ADCY1: variants seen among roughly 807,000 people sequenced by gnomAD.
ADCY1 encodes the protein adenylate cyclase type 1.
ADCY1 carries 28 observed loss-of-function variants against 105.4 expected under a neutral mutation model. That is an observed-to-expected ratio of 0.27 (90% CI 0.20 to 0.36). The LOEUF (loss-of-function observed/expected upper bound fraction) is 0.36. Among genes scored for constraint, ADCY1 ranks in the 10% least tolerant of loss-of-function variants. ADCY1 has a pLI of 1.00. For synonymous variants in ADCY1, 655 were observed against 623.8 expected, an observed-to-expected ratio of 1.05 and a Z score of -0.75; for missense variants, 977 against 1,434.2, an observed-to-expected ratio of 0.68 and a Z score of 5.15.
rs1318326873 is a variant in ADCY1 at position 45,686,390 on chromosome 7, C to G, written c.2328-157C>G. Among the ~76,000 whole-genome samples the G allele has an allele frequency of 6.6e-6, 1 of 152,196 alleles. No individual in the cohort carries two copies. Among genetic ancestry groups the G allele is most frequent in the Non-Finnish European group, 1.5e-5 (1 of 68,036 alleles). ...CAAGTTCTAGCAAGGACTCAGATTT[C>G]CCTATGATAAGTGATTCTTGGCCAA... is the stretch of plus-strand genomic sequence containing the variant. On this transcript the variant is annotated intron_variant, in intron 13 of 19. Transcript: ENST00000297323. The surrounding 1 kb of genome is among the most constrained non-coding windows in gnomAD (Gnocchi z 4.3).
At chr7:45,701,800 G>T (rs1325209371) in intron 14 of ADCY1, among the ~76,000 whole-genome samples, 1 of 152,322 alleles carries the variant, frequency 6.6e-6, no homozygotes, top group African/African-American at 2.4e-5. Context: ...TCAGCACTGT[G>T]CCCAGACAGC....
At chr7:45,578,105 C>T (rs1792404078) in intron 1 of ADCY1, among the ~76,000 whole-genome samples, 1 of 152,190 alleles carries the variant, frequency 6.6e-6, no homozygotes, top group Non-Finnish European at 1.5e-5. Context: ...GGTTCCTCTC[C>T]TGTAAAGCCC....
intron 4 of ADCY1, among the ~76,000 whole-genome samples, chr7:45,635,241 C>G (rs1184646998): frequency 2.0e-5 from 3 of 151,034 alleles, no homozygotes; most frequent in Admixed American, 6.6e-5. Flanking sequence ...CCTCTTTTAT[C>G]CATGGTTTTG....
chr7:45,684,067 G>T (rs544040020), intron 11 of ADCY1, among the ~76,000 whole-genome samples: 1 of 152,354 alleles, frequency 6.6e-6, no homozygotes, highest in Non-Finnish European at 1.5e-5. Context: ...AGTGATTCAC[G>T]GTCAGTAAAG....
chr7:45,580,682 C>T (rs1020642327), intron 1 of ADCY1, among the ~76,000 whole-genome samples: 1 of 152,194 alleles, frequency 6.6e-6, no homozygotes. Context: ...GGGCTGCAAG[C>T]GAGCGAGAGT....
intron 5 of ADCY1, among the ~76,000 whole-genome samples, chr7:45,650,827 G>C (rs1048274633): frequency 6.6e-6 from 1 of 152,076 alleles, no homozygotes; most frequent in South Asian, 2.1e-4. Context: ...CTTCCTGACC[G>C]CTGCCCAGGA....
intron 2 of ADCY1, among the ~76,000 whole-genome samples, chr7:45,596,113 C>T (rs913826016): frequency 4.6e-5 from 7 of 152,332 alleles, no homozygotes; most frequent in Admixed American, 6.5e-5. Flanking sequence ...TAGAGGTGGC[C>T]ATGGCAGCCC....
At chr7:45,684,829 AG>A in intron 11 of ADCY1, 149 bp from the exon 12 acceptor site, 2 of 604,610 alleles carry the variant, frequency 3.3e-6, no homozygotes, top group Non-Finnish European at 5.7e-6. Context: ...AAATGAAAAA[AG>A]CCAAGAGACA....
chr7:45,605,451 A>G (rs971306829), intron 2 of ADCY1, among the ~76,000 whole-genome samples: 7 of 152,116 alleles, frequency 4.6e-5, no homozygotes, highest in Non-Finnish European at 7.4e-5. Flanking sequence ...CTTTTTCTGA[A>G]TATTCCTTAT....
chr7:45,610,887 ATGGTGGAGGTGG>A (rs1793553629), intron 3 of ADCY1, among the ~76,000 whole-genome samples: 4 of 96,626 alleles, frequency 4.1e-5, no homozygotes, highest in East Asian at 6.7e-4. Flanking sequence ...TGGGAAGGTG[ATGGTGGAGGTGG>A]GGAGGTGATA....
chr7:45,642,322 C>G (rs1794548047), intron 4 of ADCY1, among the ~76,000 whole-genome samples: 1 of 152,142 alleles, frequency 6.6e-6, no homozygotes, highest in Non-Finnish European at 1.5e-5. Context: ...TGGTTTGTAC[C>G]TGGCCAGGGG....
In ADCY1 at chr7:45,588,667, C is replaced by T. The variant is rs182671573; in HGVS notation, c.640-4092C>T. Among the ~76,000 whole-genome samples the T allele has an allele frequency of 2.0e-5, 3 of 152,222 alleles. No homozygotes were observed. In the East Asian group the frequency reaches 5.8e-4, roughly 30 times the overall value. ...CCCCAGGGCCTGCGGACAGGTCCTG[C>T]TCCTCCTGGCTGCCTTTTCCGAGCA... On this transcript the variant is annotated intron_variant, in intron 1 of 19. Coordinates refer to ENST00000297323, the MANE Select transcript of ADCY1 (RefSeq NM_021116.4).
Position 45,677,900 on chromosome 7 carries a change from TCAGAAA to T in ADCY1, c.1639_1644del (p.Asn548_Arg549del). 1 of 1,614,072 alleles carries T rather than the reference TCAGAAA, an allele frequency of 6.2e-7. No homozygotes were observed. The highest frequency in any genetic ancestry group is 8.5e-7 in the Non-Finnish European group (1 of 1,180,018). On this transcript the variant is annotated inframe_deletion, in exon 9 of 20. Transcript: ENST00000297323. The stretch of plus-strand genomic sequence containing the variant: ...GCATTAAGAACAGCCTCGGAAAAAC[TCAGAAA>T]CCGCTCATCTTTTTCTACCAACGTT...
rs1431353630 is a variant in ADCY1 at position 45,718,581 on chromosome 7, CTT to C, written c.*4588_*4589del. ...ATCAGTGCACAAATCATTCCATGCT[CTT>C]TGGCACCAGGCAGGAGATGCTGCAG... On this transcript the variant is annotated 3_prime_UTR_variant, in exon 20 of 20. Transcript: ENST00000297323. 4 of 152,346 alleles carry C rather than the reference CTT, an allele frequency of 2.6e-5. No individual in the cohort carries two copies. The highest frequency in any genetic ancestry group is 5.9e-5 in the Non-Finnish European group (4 of 68,128). 9.4% of individuals were successfully genotyped at this position (152,346 alleles called of 1,614,324 possible).
At position 45,718,035 on chromosome 7, in the gene ADCY1, G is replaced by A. The variant is rs779204287; in HGVS notation, c.*4040G>A. 2 of 152,372 alleles carry A rather than the reference G, an allele frequency of 1.3e-5. No homozygotes were observed. Among genetic ancestry groups the A allele is most frequent in the Admixed American group, 1.3e-4 (2 of 15,280 alleles). 9.4% of individuals were successfully genotyped at this position (152,372 alleles called of 1,614,324 possible). On this transcript the variant is annotated 3_prime_UTR_variant, in exon 20 of 20. Transcript: ENST00000297323. ...GCCTCCACCCCTTCCTGAAGACCCA[G>A]CTATGAAACCGCAGTTCCTGTGGGT... is the stretch of plus-strand genomic sequence containing the variant.
chr7:45,708,300 C>G lies in ADCY1; in HGVS notation c.2818-50C>G, dbSNP rs373087508. 13 of 1,431,510 alleles carry G rather than the reference C, an allele frequency of 9.1e-6. No homozygotes were observed. The highest frequency in any genetic ancestry group is 1.7e-5 in the Admixed American group (1 of 58,716). The allele number at this position is 1,431,510 out of a possible 1,614,324, so 88.7% of individuals were successfully genotyped here. On this transcript the variant is annotated intron_variant, in intron 17 of 19. Coordinates refer to ENST00000297323, the MANE Select transcript of ADCY1 (RefSeq NM_021116.4). The surrounding 1 kb of genome is among the most constrained non-coding windows in gnomAD (Gnocchi z 4.7). Reference sequence around the variant, plus strand: ...GCACTGCAGGTTGGTCCCTGGCCCCCTCTTGCCTTGCACTCCCCAGATGTA... The same window carrying G: ...GCACTGCAGGTTGGTCCCTGGCCCCGTCTTGCCTTGCACTCCCCAGATGTA...
intron 6 of ADCY1, among the ~76,000 whole-genome samples, chr7:45,659,481 G>C (rs1427387404): frequency 6.6e-6 from 1 of 152,224 alleles, no homozygotes; most frequent in Non-Finnish European, 1.5e-5. Flanking sequence ...GATGCCAACT[G>C]TGGGGGATTT....
chr7:45,588,295 C>T (rs1479237005), intron 1 of ADCY1, among the ~76,000 whole-genome samples: 2 of 152,040 alleles, frequency 1.3e-5, no homozygotes, highest in Non-Finnish European at 2.9e-5. Context: ...CAAGGTGCTC[C>T]AGGCCCATCT....
intron 8 of ADCY1, among the ~76,000 whole-genome samples, chr7:45,673,673 C>A (rs954269806): frequency 5.9e-5 from 9 of 151,848 alleles, no homozygotes; most frequent in African/African-American, 1.9e-4. Context: ...TTCAGGCTTG[C>A]AGTGATTTGC....
Sources: allele counts gnomAD v4.1 joint callset (sites outside exome capture counted in the v4.1 genomes callset), GRCh38; gene constraint gnomAD v4.1.1; non-coding constraint Gnocchi (gnomAD v3.1); transcripts MANE v1.5; gene names NCBI Gene and HGNC (gene_info 2026-07-23, HGNC 2026-07-21).